The following CSTA variants were observed in gnomAD, a reference collection of about 807,000 sequenced individuals.
CSTA encodes cystatin-A.
A neutral mutation model predicts 9.2 loss-of-function variants in CSTA; 9 were observed. That is an observed-to-expected ratio of 0.97 (90% CI 0.59 to 1.70). The LOEUF (loss-of-function observed/expected upper bound fraction) is 1.70, where lower values mean the gene tolerates loss of function less well. CSTA is among the 40% of genes most tolerant of loss of function. The pLI, the probability that CSTA is intolerant of heterozygous loss-of-function variation, is 0.00. For missense variants in CSTA, 118 were observed against 113.1 expected, an observed-to-expected ratio of 1.04 and a Z score of -0.20; for synonymous variants, 36 against 40.6, an observed-to-expected ratio of 0.89 and a Z score of 0.43.
chr3:122,329,488 C>T (rs972020667), intron 1 of CSTA, among the ~76,000 whole-genome samples: 6 of 152,120 alleles, frequency 3.9e-5, no homozygotes, highest in Admixed American at 2.0e-4. Context: ...ATCACTTGCA[C>T]TCAGGAAGTT....
At chr3:122,335,580 G>C (rs2075231835) in intron 1 of CSTA, among the ~76,000 whole-genome samples, 2 of 151,980 alleles carry the variant, frequency 1.3e-5, no homozygotes, top group Admixed American at 1.3e-4. Flanking sequence ...AAAGGGAAAA[G>C]CTAAATGAGT....
chr3:122,337,622 G>A lies in CSTA; in HGVS notation c.142G>A (p.Val48Ile). The A allele has an allele frequency of 2.5e-6, 4 of 1,612,248 alleles. No homozygotes were observed. Among genetic ancestry groups the A allele is most frequent in the Non-Finnish European group, 3.4e-6 (4 of 1,178,402 alleles). The change falls in exon 2 of 3, where the codon GTT (valine) becomes ATT (isoleucine). Residue 48 changes from valine (V) to isoleucine (I), a missense_variant. By Grantham distance (29) the Val-to-Ile change is conservative (BLOSUM62 3). Coordinates refer to ENST00000264474, the MANE Select transcript of CSTA (RefSeq NM_005213.4). ...AGCTGTGCAGTATAAAACTCAAGTT[G>A]TTGCTGGAACAAATTACTACATTAA... is the stretch of plus-strand genomic sequence containing the variant. The part of the protein sequence containing the change: ...LEAVQYKTQV[V>I]AGTNYYIKVR...
At chr3:122,325,398 C>T (rs776598709) in intron 1 of CSTA, 40 bp downstream of exon 1, 55 of 1,585,408 alleles carry the variant, frequency 3.5e-5, no homozygotes, top group East Asian at 1.3e-4. Flanking sequence ...GAGCCAAAAT[C>T]TTGATTCATA....
intron 1 of CSTA, among the ~76,000 whole-genome samples, chr3:122,332,832 ACCGTTC>A (rs930335172): frequency 2.6e-5 from 4 of 152,170 alleles, no homozygotes; most frequent in African/African-American, 9.7e-5. Context: ...GTCTCCCACC[ACCGTTC>A]CCAGCTGGCC....
At chr3:122,329,568 A>AAAAT (rs1194187655) in intron 1 of CSTA, among the ~76,000 whole-genome samples, 45 of 152,280 alleles carry the variant, frequency 3.0e-4, no homozygotes, top group Middle Eastern at 3.4e-3. Context: ...TCTGTTTCAA[A>AAAAT]AAATAAATAA....
intron 2 of CSTA, chr3:122,337,942 G>C: frequency 2.7e-6 from 1 of 375,502 alleles, no homozygotes. Flanking sequence ...CTGCTGCTTA[G>C]GTAAGGAGGG....
intron 2 of CSTA, 54 bp from the exon 3 acceptor site, chr3:122,341,385 T>C: frequency 2.5e-6 from 4 of 1,598,582 alleles, no homozygotes; most frequent in South Asian, 1.1e-5. Context: ...TCACTTGATG[T>C]AGACCCATTT....
rs748595558 is a variant in CSTA, at chr3:122,332,757, G to A, written c.67-4790G>A. Among the ~76,000 whole-genome samples the A allele has an allele frequency of 2.6e-5, 4 of 152,104 alleles. No individual in the cohort carries two copies. In the South Asian group the frequency reaches 6.2e-4, roughly 24 times the overall value. On this transcript the variant is annotated intron_variant, in intron 1 of 2. Coordinates refer to ENST00000264474, the MANE Select transcript of CSTA (RefSeq NM_005213.4). ...TTCCTTGAGCTCCCGTCACCATCAC[G>A]CGTGGCAGACTGAGAAAGGTGAAGG...
chr3:122,332,303 T>A (rs1056184279), intron 1 of CSTA, among the ~76,000 whole-genome samples: 2 of 152,202 alleles, frequency 1.3e-5, no homozygotes, highest in Non-Finnish European at 2.9e-5. Context: ...ATTTCTTGCA[T>A]CCTCAATGCC....
chr3:122,337,266 A>T (rs1465655176), intron 1 of CSTA, among the ~76,000 whole-genome samples: 1 of 152,228 alleles, frequency 6.6e-6, no homozygotes, highest in Non-Finnish European at 1.5e-5. Flanking sequence ...TTTATTAATC[A>T]AAGATACATA....
At chr3:122,339,029 T>C (rs1318354716) in intron 2 of CSTA, among the ~76,000 whole-genome samples, 1 of 152,144 alleles carries the variant, frequency 6.6e-6, no homozygotes, top group Non-Finnish European at 1.5e-5. Context: ...TACTTCCTGG[T>C]AGTCTGGCTG....
At chr3:122,341,409 T>C (rs1190026548) in intron 2 of CSTA, 30 bp from the exon 3 acceptor site, 3 of 1,612,548 alleles carry the variant, frequency 1.9e-6, no homozygotes, top group Non-Finnish European at 2.5e-6. Flanking sequence ...TGAATCTCCT[T>C]TTGCTTTCTC....
At chr3:122,339,433 A>G (rs1479121653) in intron 2 of CSTA, among the ~76,000 whole-genome samples, 2 of 152,230 alleles carry the variant, frequency 1.3e-5, no homozygotes, top group African/African-American at 4.8e-5. Context: ...ACTGAGTTCC[A>G]GGGTGGTGAA....
chr3:122,341,525 C>T lies in CSTA; in HGVS notation c.255C>T (p.Tyr85=), dbSNP rs143417981. The change falls in exon 3 of 3, where the codon TAC becomes TAT. Residue 85 remains tyrosine, a synonymous_variant. Transcript: ENST00000264474. Reference sequence around the variant, plus strand: ...ATGAGGACTTGGTACTTACTGGATACCAGGTTGACAAAAACAAGGATGACG... The same window carrying T: ...ATGAGGACTTGGTACTTACTGGATATCAGGTTGACAAAAACAAGGATGACG... ...GQNEDLVLTG[Y]QVDKNKDDEL... 10 of 1,614,048 alleles carry T rather than the reference C, an allele frequency of 6.2e-6. No individual in the cohort carries two copies. The East Asian group carries it at 1.6e-4, about 25-fold the overall frequency.
intron 1 of CSTA, among the ~76,000 whole-genome samples, chr3:122,333,583 GAAAGAAAGAAGAA>G (rs914195761): frequency 8.6e-6 from 1 of 116,702 alleles, no homozygotes; most frequent in Non-Finnish European, 1.8e-5. Flanking sequence ...AAGAAAGAAA[GAAAGAAAGAAGAA>G]AGAGAGAGAG....
At chr3:122,328,747 C>A (rs1242062584) in intron 1 of CSTA, among the ~76,000 whole-genome samples, 2 of 151,482 alleles carry the variant, frequency 1.3e-5, no homozygotes, top group East Asian at 4.0e-4. Context: ...ACCAGCCTGG[C>A]CAACATAGCT....
chr3:122,340,762 GCAAA>G (rs994044452), intron 2 of CSTA, among the ~76,000 whole-genome samples: 4 of 152,132 alleles, frequency 2.6e-5, no homozygotes, highest in Non-Finnish European at 5.9e-5. Context: ...AGACTGTATG[GCAAA>G]CAAAGTGTCC....
At chr3:122,333,591 G>GAAAGAAAGA (rs1476620388) in intron 1 of CSTA, among the ~76,000 whole-genome samples, 6 of 111,274 alleles carry the variant, frequency 5.4e-5, no homozygotes, top group Middle Eastern at 5.1e-3. Flanking sequence ...AAGAAAGAAA[G>GAAAGAAAGA]AAGAAAGAGA....
At chr3:122,338,630 C>A (rs766964249) in intron 2 of CSTA, among the ~76,000 whole-genome samples, 6 of 151,988 alleles carry the variant, frequency 3.9e-5, no homozygotes, top group South Asian at 2.1e-4. Context: ...GACCAGGTCC[C>A]GGGGAGACAC....
Sources: gnomAD v4.1 joint callset for allele counts (sites outside exome capture counted in the v4.1 genomes callset) on GRCh38, gnomAD v4.1.1 for gene constraint, MANE v1.5 for transcripts, NCBI Gene and HGNC (gene_info 2026-07-23, HGNC 2026-07-21) for gene names.